The following THRAP3 variants were observed in gnomAD, a reference collection of about 807,000 sequenced individuals.
The protein encoded by THRAP3 is thyroid hormone receptor-associated protein 3.
In THRAP3, 16 loss-of-function variants were observed where a neutral mutation model predicts 101.0. That is an observed-to-expected ratio of 0.16 (90% CI 0.11 to 0.24). The LOEUF (loss-of-function observed/expected upper bound fraction) is 0.24, where lower values mean the gene tolerates loss of function less well. THRAP3 is among the 10% of genes least tolerant of loss of function. THRAP3 has a pLI of 1.00. For missense variants in THRAP3, 989 were observed against 1,202.7 expected (o/e 0.82, Z 2.63); for synonymous variants, 407 against 422.6 (o/e 0.96, Z 0.45).
At chr1:36,258,097 C>T (rs1645399106) in intron 1 of THRAP3, among the ~76,000 whole-genome samples, 1 of 152,196 alleles carries the variant, frequency 6.6e-6, no homozygotes, top group African/African-American at 2.4e-5. Context: ...CCTCGGCCTC[C>T]CAAAGTGCTG....
intron 2 of THRAP3, among the ~76,000 whole-genome samples, chr1:36,261,512 G>A (rs1645445748): frequency 6.6e-6 from 1 of 152,146 alleles, no homozygotes; most frequent in South Asian, 2.1e-4. Context: ...CAGGCTGGGC[G>A]ACAGAGCGAG....
intron 2 of THRAP3, among the ~76,000 whole-genome samples, chr1:36,279,972 A>G (rs1316058553): frequency 2.0e-5 from 3 of 152,148 alleles, no homozygotes; most frequent in African/African-American, 7.2e-5. Context: ...GACAGGCAAT[A>G]TAACATAGTG....
At chr1:36,257,195 G>A (rs1203022177) in intron 1 of THRAP3, among the ~76,000 whole-genome samples, 2 of 152,094 alleles carry the variant, frequency 1.3e-5, no homozygotes, top group African/African-American at 4.8e-5. Flanking sequence ...ATAAGGCCCA[G>A]TATACTCTTT....
chr1:36,294,020 C>G, intron 8 of THRAP3, 85 bp downstream of exon 8: 2 of 1,568,564 alleles, frequency 1.3e-6, no homozygotes, highest in South Asian at 2.3e-5. Context: ...TTAAATTACT[C>G]TCTACTTAAG....
chr1:36,233,206 G>A (rs1645048704), intron 1 of THRAP3, among the ~76,000 whole-genome samples: 1 of 150,470 alleles, frequency 6.6e-6, no homozygotes, highest in Non-Finnish European at 1.5e-5. Context: ...TTTATTGTGT[G>A]TGAATTAAAA....
upstream of THRAP3, among the ~76,000 whole-genome samples, chr1:36,222,677 G>T (rs1429352919): frequency 1.3e-5 from 2 of 152,148 alleles, no homozygotes; most frequent in African/African-American, 4.8e-5. Flanking sequence ...CCAAAGCGTT[G>T]GGATTACCGG....
intron 1 of THRAP3, among the ~76,000 whole-genome samples, chr1:36,236,221 A>G (rs1645086158): frequency 7.0e-6 from 1 of 142,580 alleles, no homozygotes; most frequent in African/African-American, 2.5e-5. Context: ...CTCAGTCTCA[A>G]AAGAAAAAAA....
At chr1:36,280,931 AT>A (rs903145018) in intron 2 of THRAP3, among the ~76,000 whole-genome samples, 1 of 149,400 alleles carries the variant, frequency 6.7e-6, no homozygotes, top group African/African-American at 2.5e-5. Flanking sequence ...ATTTTTATTT[AT>A]TTTTTTTTTT....
chr1:36,278,937 TAAATAA>T (rs1431576476), intron 2 of THRAP3, among the ~76,000 whole-genome samples: 1 of 151,236 alleles, frequency 6.6e-6, no homozygotes, highest in Non-Finnish European at 1.5e-5. Context: ...AAAAAATAAA[TAAATAA>T]AAATAAAATA....
upstream of THRAP3, among the ~76,000 whole-genome samples, chr1:36,219,671 C>T (rs1644893580): frequency 6.6e-6 from 1 of 151,944 alleles, no homozygotes; most frequent in Admixed American, 6.6e-5. Flanking sequence ...CTTTGGTGAT[C>T]TGCCTGCCTC....
intron 1 of THRAP3, among the ~76,000 whole-genome samples, chr1:36,243,369 G>A (rs1180520766): frequency 1.3e-5 from 2 of 151,506 alleles, no homozygotes; most frequent in African/African-American, 2.4e-5. Context: ...TGTGTCCCTG[G>A]GTACTTGAGA....
upstream of THRAP3, among the ~76,000 whole-genome samples, chr1:36,219,805 A>G (rs1644893929): frequency 6.6e-6 from 1 of 152,108 alleles, no homozygotes; most frequent in Non-Finnish European, 1.5e-5. Flanking sequence ...ATAGCTAGAG[A>G]GCAGAAGTCA....
At chr1:36,227,243 T>C (rs1644972366) in intron 1 of THRAP3, among the ~76,000 whole-genome samples, 2 of 152,180 alleles carry the variant, frequency 1.3e-5, no homozygotes, top group Admixed American at 1.3e-4. Flanking sequence ...GCCGTCTCTC[T>C]CTTTAATATG....
chr1:36,240,674 G>A (rs116230295), intron 1 of THRAP3, among the ~76,000 whole-genome samples: 379 of 151,962 alleles, frequency 2.5e-3, no homozygotes, highest in African/African-American at 8.7e-3. Flanking sequence ...AACCATCACA[G>A]CCCTTAACAT....
rs577292328 is a variant in THRAP3 at position 36,293,640 on chromosome 1, C to CTGTGTGTGTGTGTGTGTGTGTG, written c.2031-193_2031-172dup. Among the ~76,000 whole-genome samples, 308 of 133,402 alleles carry CTGTGTGTGTGTGTGTGTGTGTG rather than the reference C, an allele frequency of 2.3e-3. 9 individuals carry two copies. The highest frequency in any genetic ancestry group is 5.5e-3 in the African/African-American group (199 of 35,944). The allele number at this position is 133,402 out of a possible 152,430, so 87.5% of individuals were successfully genotyped here. On this transcript the variant is annotated intron_variant, in intron 7 of 11. Transcript: ENST00000354618. ...TCTGTTACACTGTGGGAACCTGGGACTGTGTGTGTGTGTGTGTGTGTGTGT... is the reference window on the plus strand; with the variant it reads ...TCTGTTACACTGTGGGAACCTGGGACTGTGTGTGTGTGTGTGTGTGTGTGTGTGTGTGTGTGTGTGTGTGTGT...
At chr1:36,230,264 A>G (rs1570223401) in intron 1 of THRAP3, among the ~76,000 whole-genome samples, 1 of 151,598 alleles carries the variant, frequency 6.6e-6, no homozygotes, top group African/African-American at 2.4e-5. Flanking sequence ...GGTTACAGGC[A>G]TGGGCCACCA....
At chr1:36,290,729 G>T (rs962080936) in intron 5 of THRAP3, among the ~76,000 whole-genome samples, 1 of 152,226 alleles carries the variant, frequency 6.6e-6, no homozygotes, top group African/African-American at 2.4e-5. Context: ...GCCTCCCAAA[G>T]TGCTGGGATT....
chr1:36,292,775 T>A, intron 7 of THRAP3, 66 bp downstream of exon 7: 1 of 1,259,724 alleles, frequency 7.9e-7, no homozygotes, highest in Non-Finnish European at 1.1e-6. Context: ...TAAACTCACC[T>A]TGTTAAATTC....
At chr1:36,274,076 TCACACACACACACA>T (rs763330875) in intron 2 of THRAP3, among the ~76,000 whole-genome samples, 8 of 44,744 alleles carry the variant, frequency 1.8e-4, no homozygotes, top group African/African-American at 2.8e-4. Flanking sequence ...TGTGTGTGTG[TCACACACACACACA>T]CACACACACA....
Sources: allele counts gnomAD v4.1 joint callset (sites outside exome capture counted in the v4.1 genomes callset), GRCh38; gene constraint gnomAD v4.1.1; transcripts MANE v1.5; gene names NCBI Gene and HGNC (gene_info 2026-07-23, HGNC 2026-07-21).